ALMS1: variants seen among roughly 807,000 people sequenced by gnomAD.
ALMS1 encodes ALMS1 centrosome and basal body associated protein.
In ALMS1, 271 loss-of-function variants were observed where a neutral mutation model predicts 352.2. The ratio of observed to expected loss-of-function variants is 0.77; its 90% CI spans 0.70 to 0.85. The LOEUF (loss-of-function observed/expected upper bound fraction) is 0.85. Ranked by LOEUF, ALMS1 falls within the 40% of genes least tolerant of loss-of-function variation. The pLI, the probability that ALMS1 is intolerant of heterozygous loss-of-function variation, is 0.00. For synonymous variants in ALMS1, 1,865 were observed against 1,761.2 expected (o/e 1.06, Z -1.48); for missense variants, 5,445 against 4,870.7 (o/e 1.12, Z -3.51).
chr2:73,604,966 T>TA (rs1475611803), intron 21 of ALMS1, among the ~76,000 whole-genome samples: 5 of 152,164 alleles, frequency 3.3e-5, no homozygotes, highest in African/African-American at 1.2e-4. Context: ...TAAATGGAGG[T>TA]ACACGGGAAG....
chr2:73,567,341 G>C (rs1386798839), intron 15 of ALMS1, among the ~76,000 whole-genome samples: 1 of 152,270 alleles, frequency 6.6e-6, no homozygotes, highest in South Asian at 2.1e-4. Flanking sequence ...CTCTTGAACT[G>C]TTTCAAGAAC....
At position 73,512,190 on chromosome 2, in the gene ALMS1, T is replaced by G. The variant is rs530736839; in HGVS notation, c.9540-7585T>G. On this transcript the variant is annotated intron_variant, in intron 10 of 22. Coordinates refer to ENST00000613296, the MANE Select transcript of ALMS1 (RefSeq NM_001378454.1). ...ACCTCTGCCTCCCGGGTTCAAGCGA[T>G]TCTCCTGCCTCAGCCTCCCGAGTAG... is the stretch of plus-strand genomic sequence containing the variant. 1.6e-4 allele frequency among the ~76,000 whole-genome samples: 25 copies of G among 152,290 alleles called. 1 individual carries two copies. The highest frequency in any genetic ancestry group is 5.8e-4 in the African/African-American group (24 of 41,566).
chr2:73,538,394 A>G (rs935564931), intron 12 of ALMS1, among the ~76,000 whole-genome samples: 1 of 152,174 alleles, frequency 6.6e-6, no homozygotes, highest in Non-Finnish European at 1.5e-5. Context: ...TATTTTAAAA[A>G]ATAAGCGGAG....
chr2:73,462,253 A>G (rs1672221178), intron 9 of ALMS1, among the ~76,000 whole-genome samples: 1 of 152,204 alleles, frequency 6.6e-6, no homozygotes, highest in South Asian at 2.1e-4. Context: ...CTAACAGCGG[A>G]TCTCTCGGCA....
chr2:73,424,602 T>G lies in ALMS1; in HGVS notation c.937T>G (p.Leu313Val). ...STAVGSQCPF[L>V]PSEQGNNEET... ...AGCTGTTGGGTCTCAGTGCCCTTTT[T>G]TACCTTCTGAACAAGGGAATAATGA... Residue 313 changes from leucine to valine, a missense_variant, in exon 5 of 23, where the codon TTA becomes GTA. Leu to Val is a conservative substitution (Grantham distance 32). Coordinates refer to ENST00000613296, the MANE Select transcript of ALMS1 (RefSeq NM_001378454.1). 2 of 1,614,036 alleles carry G rather than the reference T, an allele frequency of 1.2e-6. No individual in the cohort carries two copies. Among genetic ancestry groups the G allele is most frequent in the Non-Finnish European group, 1.7e-6 (2 of 1,180,018 alleles).
At chr2:73,457,860 C>G (rs1572941450) in intron 9 of ALMS1, 1 of 151,496 alleles carries the variant, frequency 6.6e-6, no homozygotes, top group East Asian at 2.0e-4. Context: ...TGGTGAAACC[C>G]CGTCTCTACT....
At position 73,472,041 on chromosome 2, in the gene ALMS1, C is replaced by T. The variant is rs146773347; in HGVS notation, c.7674+16746C>T. 5.1e-3 allele frequency among the ~76,000 whole-genome samples: 775 copies of T among 152,106 alleles called. 6 individuals carry two copies. Among genetic ancestry groups the T allele is most frequent in the Middle Eastern group, 0.017 (5 of 294 alleles). On this transcript the variant is annotated intron_variant, in intron 9 of 22. Transcript: ENST00000613296. ...CTTAAGGAAGTCCTGCTGTATGTGACAACATGGATGACCCTGCAAGACATT... is the reference window on the plus strand; with the variant it reads ...CTTAAGGAAGTCCTGCTGTATGTGATAACATGGATGACCCTGCAAGACATT...
At chr2:73,399,377 A>T (rs1477012662) in intron 1 of ALMS1, among the ~76,000 whole-genome samples, 4 of 152,102 alleles carry the variant, frequency 2.6e-5, no homozygotes, top group Non-Finnish European at 4.4e-5. Flanking sequence ...TAATTGGCTC[A>T]TGGTTCTGCA....
At chr2:73,550,516 C>G in intron 13 of ALMS1, 79 bp downstream of exon 13, 5 of 1,559,040 alleles carry the variant, frequency 3.2e-6, no homozygotes, top group Non-Finnish European at 4.4e-6. Context: ...CAATCTTTAT[C>G]CTTTTTTTCT....
chr2:73,391,294 CTTT>C (rs397972016), intron 1 of ALMS1, among the ~76,000 whole-genome samples: 6 of 114,982 alleles, frequency 5.2e-5, no homozygotes, highest in Non-Finnish European at 3.3e-5. Context: ...ACGTTTTATT[CTTT>C]TTTTTTTTTT....
intron 16 of ALMS1, among the ~76,000 whole-genome samples, chr2:73,597,397 A>G (rs1258879052): frequency 1.3e-5 from 2 of 152,024 alleles, no homozygotes; most frequent in African/African-American, 2.4e-5. Context: ...CTTCCTTTCA[A>G]TCTGGATTCT....
chr2:73,452,865 A>G lies in ALMS1; in HGVS notation c.6338A>G (p.His2113Arg). The change falls in exon 8 of 23, where the codon CAT becomes CGT. Residue 2113 changes from histidine to arginine, a missense_variant. His to Arg is a conservative substitution (Grantham distance 29, BLOSUM62 0). Coordinates refer to ENST00000613296, the MANE Select transcript of ALMS1 (RefSeq NM_001378454.1). ...IFSPQELPGS[H>R]VTEDVLKVST... ...AGTCCACAGGAATTGCCAGGTAGTC[A>G]TGTAACTGAAGATGTGCTGAAGGTT... The G allele has an allele frequency of 6.2e-7, 1 of 1,613,922 alleles. No homozygotes were observed. Among genetic ancestry groups the G allele is most frequent in the Non-Finnish European group, 8.5e-7 (1 of 1,179,974 alleles).
At chr2:73,489,493 T>G in intron 9 of ALMS1, 141 bp from the exon 10 acceptor site, 1 of 951,160 alleles carries the variant, frequency 1.1e-6, no homozygotes, top group Non-Finnish European at 1.6e-6. Context: ...CTGTGCTCTT[T>G]GTCCTGTTAT....
At chr2:73,599,158 C>G (rs1332550322) in intron 16 of ALMS1, among the ~76,000 whole-genome samples, 7 of 152,082 alleles carry the variant, frequency 4.6e-5, no homozygotes, top group Non-Finnish European at 7.4e-5. Context: ...TTTTCCAAGC[C>G]CAGTGAAAAT....
At chr2:73,496,847 G>C (rs888291620) in intron 10 of ALMS1, among the ~76,000 whole-genome samples, 1 of 152,106 alleles carries the variant, frequency 6.6e-6, no homozygotes, top group Admixed American at 6.5e-5. Flanking sequence ...TATGAACACC[G>C]TTTCAAGAGC....
chr2:73,527,858 T>C (rs1031706300), intron 11 of ALMS1, among the ~76,000 whole-genome samples: 2 of 152,090 alleles, frequency 1.3e-5, no homozygotes, highest in African/African-American at 4.8e-5. Flanking sequence ...TTGAAGTTTT[T>C]CTATGTTTTT....
chr2:73,490,186 A>G lies in ALMS1; in HGVS notation c.8227A>G (p.Thr2743Ala). ...TGGTGTTACTGAAGGTAGCCAGTGT[A>G]CTGGAGCATCTGTGGGGGTATTTAA... The part of the protein sequence containing the change: ...KVGVTEGSQC[T>A]GASVGVFNSH... Residue 2743 changes from threonine (T) to alanine (A), a missense_variant, in exon 10 of 23, where the codon ACT (threonine) becomes GCT (alanine). Thr to Ala is a moderately conservative substitution (Grantham distance 58, BLOSUM62 0). Transcript: ENST00000613296. 6.2e-7 allele frequency: 1 copy of G among 1,614,198 alleles called. No individual in the cohort carries two copies. The highest frequency in any genetic ancestry group is 8.5e-7 in the Non-Finnish European group (1 of 1,180,032).
chr2:73,404,710 G>A (rs950197624), intron 1 of ALMS1, among the ~76,000 whole-genome samples: 8 of 151,684 alleles, frequency 5.3e-5, no homozygotes, highest in African/African-American at 1.5e-4. Flanking sequence ...ATCAATAGTC[G>A]TCGGGGATAC....
intron 1 of ALMS1, among the ~76,000 whole-genome samples, chr2:73,408,134 A>T (rs1671007822): frequency 6.6e-6 from 1 of 152,136 alleles, no homozygotes; most frequent in Admixed American, 6.6e-5. Flanking sequence ...TGACCAGGTC[A>T]TTTTTGTTTT....
Sources: allele counts gnomAD v4.1 joint callset (sites outside exome capture counted in the v4.1 genomes callset), GRCh38; gene constraint gnomAD v4.1.1; transcripts MANE v1.5; gene names NCBI Gene and HGNC (gene_info 2026-07-23, HGNC 2026-07-21).